RECQL4: variants seen among roughly 807,000 people sequenced by gnomAD.
RECQL4 encodes ATP-dependent DNA helicase Q4.
Under a neutral mutation model 128.6 loss-of-function variants are expected in RECQL4, and 158 were observed. The observed-to-expected ratio is 1.23, with a 90% CI of 1.08 to 1.40. The LOEUF is 1.40. RECQL4 is among the 40% of genes most tolerant of loss of function. The pLI is 0.00. For missense variants in RECQL4, 2,293 were observed against 1,649.8 expected, an observed-to-expected ratio of 1.39 and a Z score of -6.75; for synonymous variants, 996 against 678.9, an observed-to-expected ratio of 1.47 and a Z score of -7.26.
rs1038585280 is a variant in RECQL4, at chr8:144,517,809, G to A, written c.-25C>T. 6 of 1,201,440 alleles carry A rather than the reference G, an allele frequency of 5.0e-6. No individual in the cohort carries two copies. The highest frequency in any genetic ancestry group is 1.6e-5 in the African/African-American group (1 of 62,326). The allele number at this position is 1,201,440 out of a possible 1,614,324, so 74.4% of individuals were successfully genotyped here. A position where few individuals can be genotyped will look rare whatever the true frequency, so the allele number is the denominator to read the frequency against. On this transcript the variant is annotated 5_prime_UTR_variant, in exon 1 of 21. Coordinates refer to ENST00000617875, the MANE Select transcript of RECQL4 (RefSeq NM_004260.4). ...TGGCGCGCGCGCCCGCCCGGCCTCCGCGCTTGCGATCGTCCAGCGAATCTC... is the reference window on the plus strand; with the variant it reads ...TGGCGCGCGCGCCCGCCCGGCCTCCACGCTTGCGATCGTCCAGCGAATCTC...
rs1448989786 is a variant in RECQL4 at position 144,513,952 on chromosome 8, C to T, written c.2034G>A (p.Val678=). The T allele has an allele frequency of 7.1e-6, 11 of 1,559,422 alleles. No individual in the cohort carries two copies. The highest frequency in any genetic ancestry group is 5.7e-5 in the Admixed American group (3 of 52,810). The part of the protein sequence containing the change: ...APVPTNLHLS[V]SMDRDTDQAL... Reference sequence around the variant, plus strand: ...CCTGGTCTGTGTCCCTGTCCATGGACACGGAAAGGTGCAGGTTGGTGGGAA... The same window carrying T: ...CCTGGTCTGTGTCCCTGTCCATGGATACGGAAAGGTGCAGGTTGGTGGGAA... The change falls in exon 12 of 21, where the codon GTG becomes GTA. Residue 678 remains valine, a synonymous_variant. Transcript: ENST00000617875.
At position 144,515,914 on chromosome 8, in the gene RECQL4, G is replaced by A. The variant is rs371067697; in HGVS notation, c.1132-24C>T. ...GCCTGGGGGGTGCCCACATAGGAGGGTCACTGGGCGGGAAATACGGGAGGG... is the reference window on the plus strand; with the variant it reads ...GCCTGGGGGGTGCCCACATAGGAGGATCACTGGGCGGGAAATACGGGAGGG... On this transcript the variant is annotated intron_variant, in intron 5 of 20. Coordinates refer to ENST00000617875, the MANE Select transcript of RECQL4 (RefSeq NM_004260.4). 9 of 1,612,640 alleles carry A rather than the reference G, an allele frequency of 5.6e-6. No homozygotes were observed. The East Asian group carries it at 6.7e-5, about 12-fold the overall frequency.
Position 144,515,799 on chromosome 8 carries a change from T to C in RECQL4, c.1223A>G (p.Gln408Arg), listed in dbSNP as rs1351075437. 2 of 1,612,598 alleles carry C rather than the reference T, an allele frequency of 1.2e-6. No homozygotes were observed. Among genetic ancestry groups the C allele is most frequent in the African/African-American group, 2.7e-5 (2 of 74,934 alleles). ...TTKESCFLNE[Q>R]FDHWAAQCPR... is the part of the protein sequence containing the mutation. ...ACACTGGGCTGCCCAGTGATCGAAC[T>C]GCTCGTTCAGGAAACAAGACTCCTT... is the stretch of plus-strand genomic sequence containing the variant. Residue 408 changes from glutamine to arginine, a missense_variant, in exon 6 of 21, where the codon CAG becomes CGG. Coordinates refer to ENST00000617875, the MANE Select transcript of RECQL4 (RefSeq NM_004260.4).
rs1263862786 is a variant in RECQL4, at chr8:144,515,208, C to T, written c.1425G>A (p.Gln475=). ...CAGGGCGAAAGGCTTGGTGCCCCAG[C>T]TGCTCCAGGGCCTGGAACACCTCAG... ...TPAEVFQALE[Q]LGHQAFRPGQ... Residue 475 remains glutamine (Q), a synonymous_variant, in exon 8 of 21, where the codon CAG becomes CAA. Coordinates refer to ENST00000617875, the MANE Select transcript of RECQL4 (RefSeq NM_004260.4). The T allele has an allele frequency of 1.9e-6, 3 of 1,574,152 alleles. No individual in the cohort carries two copies. The highest frequency in any genetic ancestry group is 2.3e-5 in the South Asian group (2 of 86,380).
Position 144,514,195 on chromosome 8 carries a change from G to C in RECQL4, c.1872C>G (p.Val624=), listed in dbSNP as rs201815449. Residue 624 remains valine, a synonymous_variant, in exon 11 of 21, where the codon GTC becomes GTG. Transcript: ENST00000617875. ...CAGTTCACATATGGCTCACCTTGCAGACGCGCAGGTAGCAGGGCCGGAAGT... is the reference window on the plus strand; with the variant it reads ...CAGTTCACATATGGCTCACCTTGCACACGCGCAGGTAGCAGGGCCGGAAGT... ...SHNFRPCYLR[V]CKVLRERMGV... The C allele has an allele frequency of 2.5e-6, 4 of 1,612,124 alleles. No individual in the cohort carries two copies. In the African/African-American group the frequency reaches 5.3e-5, roughly 22 times the overall value.
rs1194078242 is a variant in RECQL4 at position 144,514,490 on chromosome 8, G to A, written c.1656C>T (p.Cys552=). ...GCTTCCTGGTCATGCCCGAGTGTAT[G>A]CAGGCCGCCTTGAGACACGGTGGCA... ...SGLPPCLKAA[C]IHSGMTRKQR... Residue 552 remains cysteine (C), a synonymous_variant, in exon 10 of 21, where the codon TGC becomes TGT. Transcript: ENST00000617875. The A allele has an allele frequency of 2.5e-6, 4 of 1,612,186 alleles. No homozygotes were observed. The highest frequency in any genetic ancestry group is 1.3e-5 in the African/African-American group (1 of 74,922).
chr8:144,517,543 G>T (rs1160979314), intron 2 of RECQL4, 35 bp from the exon 3 acceptor site: 3 of 1,537,464 alleles, frequency 2.0e-6, no homozygotes, highest in Non-Finnish European at 2.6e-6. Context: ...GTCAGGGTGG[G>T]GCCTGGGCCC....
chr8:144,512,914 G>A lies in RECQL4; in HGVS notation c.2688C>T (p.Val896=). ...SHQAAPGPRR[V]CMGHERALPI... ...GGAGTGCCCGCTCATGGCCCATGCA[G>A]ACCCTTCTGGGTCCTGGGGCTGCTT... Residue 896 remains valine (V), a synonymous_variant, in exon 15 of 21, where the codon GTC becomes GTT. Coordinates refer to ENST00000617875, the MANE Select transcript of RECQL4 (RefSeq NM_004260.4). The A allele has an allele frequency of 6.3e-7, 1 of 1,585,920 alleles. No homozygotes were observed.
rs1815461654 is a variant in RECQL4, at chr8:144,517,810, C to T, written c.-26G>A. On this transcript the variant is annotated 5_prime_UTR_variant, in exon 1 of 21. Transcript: ENST00000617875. ...GGCGCGCGCGCCCGCCCGGCCTCCG[C>T]GCTTGCGATCGTCCAGCGAATCTCC... is the stretch of plus-strand genomic sequence containing the variant. 2.5e-6 allele frequency: 3 copies of T among 1,199,262 alleles called. No individual in the cohort carries two copies. The highest frequency in any genetic ancestry group is 4.2e-5 in the Admixed American group (1 of 23,530). The allele number at this position is 1,199,262 out of a possible 1,614,324, so 74.3% of individuals were successfully genotyped here.
In RECQL4 at chr8:144,517,632, C is replaced by T. The variant is rs934908599; in HGVS notation, c.88G>A (p.Asp30Asn). Residue 30 changes from aspartate to asparagine, a missense_variant, in exon 2 of 21, where the codon GAC becomes AAC. Asp to Asn is a conservative substitution (Grantham distance 23, BLOSUM62 1). Transcript: ENST00000617875. ...RQRGRRPSQD[D>N]VEAAPEETRA... is the part of the protein sequence containing the mutation. ...GTCTCCTCCGGCGCCGCCTCCACGT[C>T]GTCCTGTAAAGGGAACGCGTCAGCC... 4.7e-6 allele frequency: 7 copies of T among 1,485,992 alleles called. No homozygotes were observed. The highest frequency in any genetic ancestry group is 6.2e-6 in the Non-Finnish European group (7 of 1,126,022). The allele number at this position is 1,485,992 out of a possible 1,614,324, so 92.1% of individuals were successfully genotyped here.
In RECQL4 at chr8:144,511,906, C is replaced by T. The variant is rs1214839248; in HGVS notation, c.3393+5G>A. 5 of 1,610,366 alleles carry T rather than the reference C, an allele frequency of 3.1e-6. No individual in the cohort carries two copies. ...CGATGAGCTGCCTGGCCTTACTGCA[C>T]TCACTCTGGCCTGCCCTGGCTCGGG... On this transcript the variant is annotated splice_donor_5th_base_variant and intron_variant, in intron 19 of 20. Transcript: ENST00000617875.
Position 144,513,287 on chromosome 8 carries a change from G to A in RECQL4, c.2394C>T (p.Tyr798=), listed in dbSNP as rs781245845. 3.7e-5 allele frequency: 59 copies of A among 1,598,804 alleles called. 1 individual carries two copies. The South Asian group carries it at 5.6e-4, about 15-fold the overall frequency. The change falls in exon 14 of 21, where the codon TAC becomes TAT. Residue 798 remains tyrosine (Y), a synonymous_variant. Transcript: ENST00000617875. ...HLGLPPSFES[Y]VQAVGRAGRD... ...GCCCGGCCCGGCCCACGGCCTGCAC[G>A]TAGCTCTCGAAGCTTGGGGGCAGCC...
chr8:144,514,412 C>T (rs1412698572), intron 10 of RECQL4, 30 bp downstream of exon 10: 4 of 1,603,758 alleles, frequency 2.5e-6, no homozygotes, highest in African/African-American at 1.3e-5. Flanking sequence ...CCCGCTGCCT[C>T]CCTCACCCCT....
chr8:144,513,892 A>C (rs769173225), intron 12 of RECQL4, 36 bp downstream of exon 12: 1 of 1,535,062 alleles, frequency 6.5e-7, no homozygotes, highest in South Asian at 1.2e-5. Flanking sequence ...GTCAGCAGCC[A>C]GGGCCCTGCA....
intron 12 of RECQL4, 34 bp downstream of exon 12, chr8:144,513,894 G>A (rs371493588): frequency 4.6e-6 from 7 of 1,536,472 alleles, no homozygotes; most frequent in East Asian, 2.5e-5. Flanking sequence ...CAGCAGCCAG[G>A]GCCCTGCAGG....
chr8:144,513,951 A>T lies in RECQL4; in HGVS notation c.2035T>A (p.Ser679Thr). The change falls in exon 12 of 21, where the codon TCC becomes ACC. Residue 679 changes from serine (S) to threonine (T), a missense_variant. Transcript: ENST00000617875. The part of the protein sequence containing the change: ...PVPTNLHLSV[S>T]MDRDTDQALL... ...ACCTGGTCTGTGTCCCTGTCCATGG[A>T]CACGGAAAGGTGCAGGTTGGTGGGA... 6.4e-7 allele frequency: 1 copy of T among 1,559,042 alleles called. No homozygotes were observed.
chr8:144,516,171 G>A lies in RECQL4; in HGVS notation c.948C>T (p.Asn316=), dbSNP rs747324399. 6.2e-7 allele frequency: 1 copy of A among 1,613,466 alleles called. No individual in the cohort carries two copies. Among genetic ancestry groups the A allele is most frequent in the Non-Finnish European group, 8.5e-7 (1 of 1,179,874 alleles). ...AGGGGCTGAGTCCGTGGTACCTGGG[G>A]TTCGATGGGCTGCTGCAGGGCTGAG... ...QPPQPCSSPS[N]PRYHGLSPSS... Residue 316 remains asparagine (N), a synonymous_variant, in exon 5 of 21, where the codon AAC becomes AAT. Transcript: ENST00000617875.
chr8:144,514,859 C>T (rs1192699456), intron 9 of RECQL4, 77 bp downstream of exon 9: 1 of 1,541,072 alleles, frequency 6.5e-7, no homozygotes, highest in African/African-American at 1.4e-5. Flanking sequence ...GGTTAGGGGA[C>T]AAGCAGCAGT....
At position 144,512,072 on chromosome 8, in the gene RECQL4, G is replaced by T; in HGVS notation, c.3237-5C>A. The T allele has an allele frequency of 1.9e-6, 3 of 1,607,064 alleles. No homozygotes were observed. The highest frequency in any genetic ancestry group is 2.5e-6 in the Non-Finnish European group (3 of 1,178,164). ...CCGCAGCTGGGGAAGGCTACGCTGT[G>T]GGGAGGAGCCTGTCAGAGCTGATCA... is the stretch of plus-strand genomic sequence containing the variant. On this transcript the variant is annotated splice_region_variant and splice_polypyrimidine_tract_variant and intron_variant, in intron 18 of 20. Transcript: ENST00000617875.
Sources: gnomAD v4.1 joint callset for allele counts on GRCh38, gnomAD v4.1.1 for gene constraint, MANE v1.5 for transcripts, NCBI Gene and HGNC (gene_info 2026-07-23, HGNC 2026-07-21) for gene names.